Variants in EFR3B observed in about 807,000 individuals in gnomAD.
EFR3B encodes EFR3 homolog B, also known as protein EFR3 homolog B.
Under a neutral mutation model 104.7 loss-of-function variants are expected in EFR3B, and 64 were observed. That is an observed-to-expected ratio of 0.61 (90% confidence interval 0.50 to 0.75). The LOEUF (loss-of-function observed/expected upper bound fraction) is 0.75. Ranked by LOEUF, EFR3B falls within the 30% of genes least tolerant of loss-of-function variation. EFR3B has a pLI of 0.00. For missense variants in EFR3B, 750 were observed against 1,078.5 expected (o/e 0.70, Z 4.27); for synonymous variants, 385 against 417.9 (o/e 0.92, Z 0.96).
At chr2:25,081,043 C>G (rs1419453335) in intron 1 of EFR3B, 3 of 745,330 alleles carry the variant, frequency 4.0e-6, no homozygotes, top group Non-Finnish European at 7.5e-6. Flanking sequence ...TTGACACCAC[C>G]ATGTGAACTT....
In EFR3B at chr2:25,045,783, CA is replaced by C. The variant is rs11379149; in HGVS notation, c.7+3478del. On this transcript the variant is annotated intron_variant, in intron 1 of 22. Transcript: ENST00000403714. ...GGGAGACAAGAGCGAGACTCCATCT[CA>C]AAAAAAAAAAAAATTATATAGCTAA... Among the ~76,000 whole-genome samples, 477 of 138,286 alleles carry C rather than the reference CA, an allele frequency of 3.4e-3. 4 individuals carry two copies. The highest frequency in any genetic ancestry group is 7.4e-3 in the Middle Eastern group (2 of 270). 90.7% of individuals were successfully genotyped at this position (138,286 alleles called of 152,430 possible). A position where few individuals can be genotyped will look rare whatever the true frequency, so the allele number is the denominator to read the frequency against.
intron 3 of EFR3B, among the ~76,000 whole-genome samples, chr2:25,098,763 C>T (rs918623123): frequency 6.6e-6 from 1 of 150,732 alleles, no homozygotes; most frequent in Non-Finnish European, 1.5e-5. Flanking sequence ...TTCAGTTTCA[C>T]TTCTACCATA....
rs1671245961 is a variant in EFR3B, at chr2:25,158,913, C to T, written c.*4573C>T. ...AGTTGACAATATGTGTATATAATAGCTGGTGTATTTATATGTGAGTGCAGA... is the reference window on the plus strand; with the variant it reads ...AGTTGACAATATGTGTATATAATAGTTGGTGTATTTATATGTGAGTGCAGA... On this transcript the variant is annotated 3_prime_UTR_variant, in exon 23 of 23. Transcript: ENST00000403714. The T allele has an allele frequency of 6.6e-6, 1 of 152,176 alleles. No individual in the cohort carries two copies. Among genetic ancestry groups the T allele is most frequent in the South Asian group, 2.1e-4 (1 of 4,830 alleles). 9.4% of individuals were successfully genotyped at this position (152,176 alleles called of 1,614,324 possible).
At chr2:25,051,267 A>G (rs984410842) in intron 1 of EFR3B, among the ~76,000 whole-genome samples, 2 of 151,874 alleles carry the variant, frequency 1.3e-5, no homozygotes, top group African/African-American at 2.4e-5. Context: ...GTGAGCCACC[A>G]TGTCTGGCTA....
intron 16 of EFR3B, 62 bp from the exon 17 acceptor site, chr2:25,141,304 G>C: frequency 6.5e-7 from 1 of 1,528,178 alleles, no homozygotes; most frequent in Non-Finnish European, 8.8e-7. Flanking sequence ...GAGCTCTTTC[G>C]TTGCCTGTGA....
intron 17 of EFR3B, among the ~76,000 whole-genome samples, chr2:25,143,043 C>T (rs1371542071): frequency 2.0e-5 from 3 of 149,102 alleles, no homozygotes; most frequent in African/African-American, 7.4e-5. Context: ...GTCAGAAGAT[C>T]GAGACCATCC....
chr2:25,117,330 C>T (rs34476550), intron 4 of EFR3B, among the ~76,000 whole-genome samples: 6,969 of 152,120 alleles, frequency 0.046, 229 homozygotes, highest in Non-Finnish European at 0.073. Flanking sequence ...TGGTCAGCAG[C>T]GCCCTGTGAC....
chr2:25,117,638 C>T (rs979340274), intron 4 of EFR3B, among the ~76,000 whole-genome samples: 6 of 152,116 alleles, frequency 3.9e-5, no homozygotes, highest in African/African-American at 1.4e-4. Context: ...TCTCGAACTC[C>T]TGACCTCAGG....
intron 21 of EFR3B, among the ~76,000 whole-genome samples, chr2:25,153,398 C>G (rs1671067554): frequency 6.6e-6 from 1 of 152,020 alleles, no homozygotes; most frequent in South Asian, 2.1e-4. Flanking sequence ...GTGCAGTCTC[C>G]CGACTCCATG....
At chr2:25,152,454 T>C (rs1165301236) in intron 21 of EFR3B, among the ~76,000 whole-genome samples, 1 of 151,990 alleles carries the variant, frequency 6.6e-6, no homozygotes. Flanking sequence ...GTTGGTGCCA[T>C]TATGATCCCC....
intron 15 of EFR3B, among the ~76,000 whole-genome samples, chr2:25,138,191 AT>A (rs1670571552): frequency 6.6e-6 from 1 of 152,358 alleles, no homozygotes; most frequent in African/African-American, 2.4e-5. Flanking sequence ...AAAATTAAAA[AT>A]TAAAAAAAGA....
chr2:25,111,135 G>A (rs1436772424), intron 4 of EFR3B, among the ~76,000 whole-genome samples: 1 of 152,190 alleles, frequency 6.6e-6, no homozygotes, highest in Non-Finnish European at 1.5e-5. Context: ...GGGGTTTTGG[G>A]TTGCTATACC....
At chr2:25,106,556 C>G (rs1205752179) in intron 4 of EFR3B, among the ~76,000 whole-genome samples, 1 of 151,046 alleles carries the variant, frequency 6.6e-6, no homozygotes, top group Non-Finnish European at 1.5e-5. Flanking sequence ...CTCCCAGGTT[C>G]AAGTGATTCT....
chr2:25,047,478 T>C (rs1449806609), intron 1 of EFR3B, among the ~76,000 whole-genome samples: 1 of 152,168 alleles, frequency 6.6e-6, no homozygotes, highest in African/African-American at 2.4e-5. Flanking sequence ...CTCTTTTCTC[T>C]GTTTCTTAAT....
At chr2:25,153,509 A>G (rs1443573815) in intron 21 of EFR3B, among the ~76,000 whole-genome samples, 1 of 152,096 alleles carries the variant, frequency 6.6e-6, no homozygotes, top group Non-Finnish European at 1.5e-5. Context: ...GTCCCCAGCC[A>G]GCCTTCAGTA....
intron 1 of EFR3B, among the ~76,000 whole-genome samples, chr2:25,074,112 T>G (rs1428996004): frequency 1.3e-5 from 2 of 152,152 alleles, no homozygotes; most frequent in Non-Finnish European, 2.9e-5. Flanking sequence ...TCAGCAAATC[T>G]TATTCTCCCT....
chr2:25,084,587 C>T (rs549673577), intron 1 of EFR3B, among the ~76,000 whole-genome samples: 36 of 152,124 alleles, frequency 2.4e-4, no homozygotes, highest in South Asian at 4.2e-4. Flanking sequence ...AGGACGTGCC[C>T]GTGACACAGC....
intron 5 of EFR3B, among the ~76,000 whole-genome samples, chr2:25,127,637 C>T (rs901414913): frequency 4.6e-5 from 7 of 152,170 alleles, no homozygotes; most frequent in Non-Finnish European, 7.4e-5. Flanking sequence ...TGTGCTGACC[C>T]TGGGTTCACA....
Position 25,108,504 on chromosome 2 carries a change from T to C in EFR3B, c.363+4717T>C, listed in dbSNP as rs527909085. ...ATTCATAGATTGAAAGTTTATACTT[T>C]CACTTCTATTTCACACCACACACAA... On this transcript the variant is annotated intron_variant, in intron 4 of 22. Coordinates refer to ENST00000403714, the MANE Select transcript of EFR3B (RefSeq NM_014971.2). Among the ~76,000 whole-genome samples the C allele has an allele frequency of 1.6e-3, 242 of 152,352 alleles. 2 individuals carry two copies. Among genetic ancestry groups the C allele is most frequent in the South Asian group, 8.5e-3 (41 of 4,826 alleles).
Sources: allele counts gnomAD v4.1 joint callset (sites outside exome capture counted in the v4.1 genomes callset), GRCh38; gene constraint gnomAD v4.1.1; transcripts MANE v1.5; gene names NCBI Gene and HGNC (gene_info 2026-07-23, HGNC 2026-07-21).